CDCP1: variants seen among roughly 807,000 people sequenced by gnomAD.
CDCP1 encodes the protein CUB domain-containing protein 1.
CDCP1 carries 29 observed loss-of-function variants against 60.2 expected under a neutral mutation model. That is an observed-to-expected ratio of 0.48 (90% CI 0.36 to 0.66). The LOEUF (loss-of-function observed/expected upper bound fraction) is 0.66, where lower values mean the gene tolerates loss of function less well. CDCP1 is among the 30% of genes least tolerant of loss of function. The pLI is 0.00. For synonymous variants in CDCP1, 387 were observed against 431.1 expected (o/e 0.90, Z 1.27); for missense variants, 876 against 1,074.3 (o/e 0.82, Z 2.58).
intron 4 of CDCP1, among the ~76,000 whole-genome samples, chr3:45,096,520 G>A (rs1169105041): frequency 2.0e-5 from 3 of 150,584 alleles, no homozygotes; most frequent in Non-Finnish European, 4.4e-5. Context: ...AGCTACTTGG[G>A]AGGCTGAGAC....
rs375668792 is a variant in CDCP1, at chr3:45,102,622, T to C, written c.1025-7054A>G. On this transcript the variant is annotated intron_variant, in intron 4 of 8. Transcript: ENST00000296129. ...GAGTTCGAGACCAACCTGGCCAGTATGGTGAAACCCTGTTTCTACTAAAAA... is the reference window on the plus strand; with the variant it reads ...GAGTTCGAGACCAACCTGGCCAGTACGGTGAAACCCTGTTTCTACTAAAAA... 8.1e-5 allele frequency among the ~76,000 whole-genome samples: 12 copies of C among 147,786 alleles called. No individual in the cohort carries two copies. In the East Asian group the frequency reaches 2.0e-3, roughly 25 times the overall value.
At chr3:45,126,292 G>C (rs1698999904) in intron 1 of CDCP1, among the ~76,000 whole-genome samples, 1 of 144,132 alleles carries the variant, frequency 6.9e-6, no homozygotes, top group South Asian at 2.1e-4. Flanking sequence ...GTCTACCCTG[G>C]AGGTGACAGA....
chr3:45,091,469 C>CGG lies in CDCP1; in HGVS notation c.1695_1696dup (p.Arg566ProfsTer24). The CGG allele has an allele frequency of 6.2e-7, 1 of 1,610,384 alleles. No homozygotes were observed. Among genetic ancestry groups the CGG allele is most frequent in the Non-Finnish European group, 8.5e-7 (1 of 1,178,198 alleles). ...CACAGAGGTGAGGGATGGCAGGCCC[C>CGG]GGTCCCAGTTGGGGGTCCTCAGGTA... On this transcript the variant is annotated frameshift_variant, in exon 7 of 9. Transcript: ENST00000296129. LOFTEE classifies it high-confidence loss of function. This position sits in a 1 kb window ranked among gnomAD's most constrained non-coding sequence, Gnocchi z 4.8.
intron 1 of CDCP1, among the ~76,000 whole-genome samples, chr3:45,138,123 A>G (rs1295393746): frequency 6.6e-6 from 1 of 152,214 alleles, no homozygotes; most frequent in Non-Finnish European, 1.5e-5. Flanking sequence ...ATGACAATTA[A>G]GTTGTTATAA....
chr3:45,087,679 G>A (rs911854476), intron 8 of CDCP1, among the ~76,000 whole-genome samples: 3 of 152,206 alleles, frequency 2.0e-5, no homozygotes, highest in South Asian at 4.1e-4. Flanking sequence ...TCTTGTTGTA[G>A]ACTAGGAATT....
chr3:45,093,402 C>T lies in CDCP1; in HGVS notation c.1502G>A (p.Gly501Glu). The change falls in exon 6 of 9, where the codon GGA (glycine) becomes GAA (glutamate). Residue 501 changes from glycine to glutamate, a missense_variant. Coordinates refer to ENST00000296129, the MANE Select transcript of CDCP1 (RefSeq NM_022842.5). ...QDLYFGSFCP[G>E]GSIKQIQVKQ... ...CACCTGGATCTGCTTGATAGAGCCTCCCGGGCAGAAGGAGCCGAAGTACAG... is the reference window on the plus strand; with the variant it reads ...CACCTGGATCTGCTTGATAGAGCCTTCCGGGCAGAAGGAGCCGAAGTACAG... The T allele has an allele frequency of 3.7e-6, 6 of 1,614,136 alleles. No individual in the cohort carries two copies. The highest frequency in any genetic ancestry group is 5.1e-6 in the Non-Finnish European group (6 of 1,180,034).
Position 45,118,480 on chromosome 3 carries a change from C to T in CDCP1, c.224G>A (p.Arg75Lys), listed in dbSNP as rs763894303. 1.2e-6 allele frequency: 2 copies of T among 1,614,068 alleles called. No homozygotes were observed. The highest frequency in any genetic ancestry group is 1.7e-6 in the Non-Finnish European group (2 of 1,180,022). Residue 75 changes from arginine (R) to lysine (K), a missense_variant, in exon 2 of 9, where the codon AGA becomes AAA. By Grantham distance (26) the Arg-to-Lys change is conservative (BLOSUM62 2). This residue lies in a region of CDCP1 where 150 missense variants were observed against 138.6 expected (regional missense o/e 1.08). Transcript: ENST00000296129. ...ITMLSIKSGE[R>K]IVFTFSCQSP... is the part of the protein sequence containing the mutation. ...CTGGCAGCTAAAGGTAAAGACTATT[C>T]TTTCTCCAGACTTGATGGACAACAT...
At chr3:45,130,706 A>G (rs956489048) in intron 1 of CDCP1, among the ~76,000 whole-genome samples, 3 of 152,208 alleles carry the variant, frequency 2.0e-5, no homozygotes, top group Non-Finnish European at 4.4e-5. Context: ...CTTCCTCATG[A>G]TCTGAACCCT....
intron 2 of CDCP1, among the ~76,000 whole-genome samples, chr3:45,115,105 G>T (rs1260442458): frequency 6.6e-6 from 1 of 151,874 alleles, no homozygotes; most frequent in African/African-American, 2.4e-5. Flanking sequence ...GGGTGTGGTG[G>T]TGTGTGCCCA....
chr3:45,119,226 T>A (rs185721927), intron 1 of CDCP1, among the ~76,000 whole-genome samples: 1 of 152,198 alleles, frequency 6.6e-6, no homozygotes, highest in Non-Finnish European at 1.5e-5. Flanking sequence ...TATCTCAGAT[T>A]GGGGTTTAGA....
At position 45,090,757 on chromosome 3, in the gene CDCP1, T is replaced by A. The variant is rs887286304; in HGVS notation, c.1993+416A>T. Among the ~76,000 whole-genome samples the A allele has an allele frequency of 1.0e-3, 159 of 152,302 alleles. 1 individual carries two copies. Among genetic ancestry groups the A allele is most frequent in the Middle Eastern group, 0.01 (3 of 294 alleles). ...AGTCTCTTGTGGATCTCTCTGCCTC[T>A]GCCATGAAAACAGCCCAGGCTGGAG... On this transcript the variant is annotated intron_variant, in intron 7 of 8. Coordinates refer to ENST00000296129, the MANE Select transcript of CDCP1 (RefSeq NM_022842.5).
chr3:45,140,207 A>C (rs954177163), intron 1 of CDCP1, among the ~76,000 whole-genome samples: 144 of 152,188 alleles, frequency 9.5e-4, no homozygotes, highest in Non-Finnish European at 1.3e-4. Context: ...ACCCAAAATA[A>C]AGACAACAGC....
intron 7 of CDCP1, among the ~76,000 whole-genome samples, chr3:45,089,486 C>T (rs929888348): frequency 6.6e-6 from 1 of 152,178 alleles, no homozygotes; most frequent in African/African-American, 2.4e-5. Flanking sequence ...TGTAGAGATT[C>T]CACCGGGGAA....
chr3:45,088,034 A>AT (rs1226705126), intron 8 of CDCP1, among the ~76,000 whole-genome samples: 1 of 151,914 alleles, frequency 6.6e-6, no homozygotes, highest in African/African-American at 2.4e-5. Flanking sequence ...AAAAAAAAGA[A>AT]TTTTTTCAGA....
intron 1 of CDCP1, among the ~76,000 whole-genome samples, chr3:45,130,219 T>G (rs1295418641): frequency 1.3e-5 from 2 of 151,584 alleles, no homozygotes; most frequent in Non-Finnish European, 2.9e-5. Flanking sequence ...CCTCCCAGGC[T>G]CAAGCAATCC....
At chr3:45,089,264 CT>C in intron 7 of CDCP1, 123 bp from the exon 8 acceptor site, 1 of 712,392 alleles carries the variant, frequency 1.4e-6, no homozygotes, top group South Asian at 1.6e-5. Flanking sequence ...CATGTGGCTC[CT>C]TGTGTGCACA....
At chr3:45,134,163 A>C (rs191876032) in intron 1 of CDCP1, among the ~76,000 whole-genome samples, 2 of 147,568 alleles carry the variant, frequency 1.4e-5, no homozygotes, top group East Asian at 4.0e-4. Context: ...TTTTTTTTTG[A>C]GATGGAGTCT....
chr3:45,133,056 A>G (rs1699125443), intron 1 of CDCP1, among the ~76,000 whole-genome samples: 1 of 152,246 alleles, frequency 6.6e-6, no homozygotes, highest in South Asian at 2.1e-4. Flanking sequence ...GATGTGTGAA[A>G]GGAATTCAAC....
chr3:45,130,940 C>T (rs1270848079), intron 1 of CDCP1, among the ~76,000 whole-genome samples: 1 of 152,038 alleles, frequency 6.6e-6, no homozygotes, highest in Non-Finnish European at 1.5e-5. Context: ...AATCACAGCT[C>T]ACTGCAGCCT....
Sources: gnomAD v4.1 joint callset for allele counts (sites outside exome capture counted in the v4.1 genomes callset) on GRCh38, gnomAD v4.1.1 for gene constraint, gnomAD v4.1.1 regional missense constraint, Gnocchi (gnomAD v3.1) non-coding constraint, MANE v1.5 for transcripts, NCBI Gene and HGNC (gene_info 2026-07-23, HGNC 2026-07-21) for gene names.